Variants in RANBP17 observed in about 807,000 individuals in gnomAD.
RANBP17 encodes ran-binding protein 17.
In RANBP17, 158 loss-of-function variants were observed where a neutral mutation model predicts 141.2. That is an observed-to-expected ratio of 1.12 (90% CI 0.98 to 1.28). RANBP17 has a LOEUF of 1.28. RANBP17 is among the 50% of genes most tolerant of loss of function. The probability of loss-of-function intolerance (pLI) is 0.00; values close to 1 mark genes in which losing one functional copy is unlikely to be tolerated. For missense variants in RANBP17, 1,438 were observed against 1,290.7 expected (o/e 1.11, Z -1.75); for synonymous variants, 430 against 450.0 (o/e 0.96, Z 0.56).
chr5:171,113,320 T>C (rs1050514981), intron 14 of RANBP17, among the ~76,000 whole-genome samples: 1 of 152,162 alleles, frequency 6.6e-6, no homozygotes, highest in African/African-American at 2.4e-5. Context: ...AGAAAAATTA[T>C]ATTACTCTTG....
chr5:171,227,687 G>A (rs1204455883), intron 22 of RANBP17, among the ~76,000 whole-genome samples: 1 of 152,168 alleles, frequency 6.6e-6, no homozygotes, highest in Non-Finnish European at 1.5e-5. Context: ...CACAGCTAGC[G>A]AGGTGTAAAG....
At chr5:171,046,441 CTCGTGA>C (rs1370491099) in intron 14 of RANBP17, among the ~76,000 whole-genome samples, 1 of 151,952 alleles carries the variant, frequency 6.6e-6, no homozygotes, top group African/African-American at 2.4e-5. Context: ...ATGTCTTGAC[CTCGTGA>C]TCTGCCTGCC....
chr5:171,007,133 C>T (rs1289030656), intron 14 of RANBP17, among the ~76,000 whole-genome samples: 2 of 152,082 alleles, frequency 1.3e-5, no homozygotes, highest in African/African-American at 2.4e-5. Flanking sequence ...ATTTAAGTCA[C>T]TCCAGGTTGA....
At chr5:170,990,671 G>C (rs1778442421) in intron 14 of RANBP17, among the ~76,000 whole-genome samples, 1 of 151,980 alleles carries the variant, frequency 6.6e-6, no homozygotes, top group Non-Finnish European at 1.5e-5. Flanking sequence ...TTGAAATTGT[G>C]CTGTGCACGA....
intron 14 of RANBP17, among the ~76,000 whole-genome samples, chr5:171,090,119 G>A (rs1194727667): frequency 6.6e-6 from 1 of 152,150 alleles, no homozygotes; most frequent in African/African-American, 2.4e-5. Flanking sequence ...CAGTTTTGAG[G>A]GCTCAGAAGA....
intron 14 of RANBP17, among the ~76,000 whole-genome samples, chr5:171,060,075 G>C: frequency 1.8e-5 from 1 of 54,790 alleles, no homozygotes; most frequent in Non-Finnish European, 3.8e-5. Flanking sequence ...CTGAGACAAT[G>C]GGGTTTTCTA....
chr5:171,144,974 G>A (rs1443286685), intron 14 of RANBP17, among the ~76,000 whole-genome samples: 2 of 152,178 alleles, frequency 1.3e-5, no homozygotes, highest in Admixed American at 1.3e-4. Context: ...TGTTGGGAGA[G>A]AATTTTATAT....
intron 14 of RANBP17, among the ~76,000 whole-genome samples, chr5:171,046,329 C>T (rs1255592250): frequency 3.3e-5 from 5 of 151,770 alleles, no homozygotes; most frequent in East Asian, 3.9e-4. Flanking sequence ...CTGCCTCAGC[C>T]TCCCGAGTAG....
At chr5:171,173,503 T>G (rs181686175) in intron 16 of RANBP17, among the ~76,000 whole-genome samples, 103 of 152,230 alleles carry the variant, frequency 6.8e-4, no homozygotes, top group Non-Finnish European at 1.1e-3. Flanking sequence ...CTTCAGATAC[T>G]TTCTGTTTTA....
Position 171,265,791 on chromosome 5 carries a change from C to T in RANBP17, c.2887C>T (p.Gln963Ter). The change falls in exon 25 of 28, where the codon CAG becomes TAG. Residue 963 changes from glutamine (Q) to a stop codon, truncating the protein, a stop_gained. Coordinates refer to ENST00000523189, the MANE Select transcript of RANBP17 (RefSeq NM_022897.5). LOFTEE classifies it high-confidence loss of function. ...KKPLRCREATQAGQRLLHFMQ... is the reference protein window; with the variant it reads ...KKPLRCREAT The stretch of plus-strand genomic sequence containing the variant: ...GCCACTTCGATGCAGAGAGGCTACC[C>T]AGGCTGGTCAGAGACTATTACATTT... The T allele has an allele frequency of 6.2e-7, 1 of 1,614,148 alleles. No homozygotes were observed. The highest frequency in any genetic ancestry group is 8.5e-7 in the Non-Finnish European group (1 of 1,180,014).
In RANBP17 at chr5:171,233,564, A is replaced by T. The variant is rs547774504; in HGVS notation, c.2423-7364A>T. 2.6e-5 allele frequency among the ~76,000 whole-genome samples: 4 copies of T among 152,382 alleles called. No individual in the cohort carries two copies. In the East Asian group the frequency reaches 7.7e-4, roughly 29 times the overall value. ...ATGGAATGTTATTCAGCACTAAAAAAAAATAAATAAAGCTAGAAAACTACA... is the reference window on the plus strand; with the variant it reads ...ATGGAATGTTATTCAGCACTAAAAATAAATAAATAAAGCTAGAAAACTACA... On this transcript the variant is annotated intron_variant, in intron 22 of 27. Transcript: ENST00000523189.
intron 14 of RANBP17, among the ~76,000 whole-genome samples, chr5:171,026,190 AT>A (rs1781219852): frequency 6.6e-6 from 1 of 152,210 alleles, no homozygotes; most frequent in Non-Finnish European, 1.5e-5. Context: ...AATAGCTGCC[AT>A]TTATTGAGAA....
intron 12 of RANBP17, among the ~76,000 whole-genome samples, chr5:170,934,079 T>C (rs541106888): frequency 6.6e-6 from 1 of 152,326 alleles, no homozygotes; most frequent in Admixed American, 6.5e-5. Flanking sequence ...CAGGACGTGC[T>C]TTATGAATCT....
intron 12 of RANBP17, among the ~76,000 whole-genome samples, chr5:170,938,999 C>G (rs1250886351): frequency 6.6e-6 from 1 of 152,108 alleles, no homozygotes; most frequent in East Asian, 1.9e-4. Context: ...TATATAACCC[C>G]AAAGACAAAA....
chr5:171,058,476 AC>A (rs1783565276), intron 14 of RANBP17, among the ~76,000 whole-genome samples: 4 of 151,740 alleles, frequency 2.6e-5, no homozygotes, highest in Non-Finnish European at 1.5e-5. Context: ...CCATGTCCCT[AC>A]AAAGGACATG....
chr5:170,936,844 T>A (rs1229582485), intron 12 of RANBP17, among the ~76,000 whole-genome samples: 3 of 152,248 alleles, frequency 2.0e-5, no homozygotes. Context: ...TTGTTTATAA[T>A]CTAATTCCTT....
At chr5:171,206,302 A>G (rs1453301024) in intron 20 of RANBP17, 4 of 159,048 alleles carry the variant, frequency 2.5e-5, no homozygotes, top group African/African-American at 4.8e-5. Flanking sequence ...TGGTTTTCTC[A>G]TTTGAAAACA....
chr5:171,008,548 T>C (rs1351232116), intron 14 of RANBP17, among the ~76,000 whole-genome samples: 2 of 152,240 alleles, frequency 1.3e-5, no homozygotes, highest in Non-Finnish European at 2.9e-5. Flanking sequence ...TCATTAGTTC[T>C]TACAGGTTTT....
chr5:171,056,732 T>C (rs1291853975), intron 14 of RANBP17, among the ~76,000 whole-genome samples: 1 of 152,162 alleles, frequency 6.6e-6, no homozygotes, highest in Non-Finnish European at 1.5e-5. Flanking sequence ...TTTGGAAAGT[T>C]TGTCATATAT....
Sources: allele counts gnomAD v4.1 joint callset (sites outside exome capture counted in the v4.1 genomes callset), GRCh38; gene constraint gnomAD v4.1.1; transcripts MANE v1.5; gene names NCBI Gene and HGNC (gene_info 2026-07-23, HGNC 2026-07-21).